CCDC102B: variants seen among roughly 807,000 people sequenced by gnomAD.
CCDC102B encodes the protein coiled-coil domain-containing protein 102B.
Under a neutral mutation model 57.4 loss-of-function variants are expected in CCDC102B, and 75 were observed. The ratio of observed to expected loss-of-function variants is 1.31; its 90% confidence interval spans 1.08 to 1.58. CCDC102B has a LOEUF of 1.58. Ranked by LOEUF, CCDC102B falls within the 40% of genes most tolerant of loss-of-function variation. The pLI, the probability that CCDC102B is intolerant of heterozygous loss-of-function variation, is 0.00. For synonymous variants in CCDC102B, 206 were observed against 201.9 expected, an observed-to-expected ratio of 1.02 and a Z score of -0.17; for missense variants, 636 against 582.6, an observed-to-expected ratio of 1.09 and a Z score of -0.94.
intron 7 of CCDC102B, among the ~76,000 whole-genome samples, chr18:69,030,662 G>C (rs562590441): frequency 2.6e-5 from 4 of 151,864 alleles, no homozygotes; most frequent in African/African-American, 9.7e-5. Flanking sequence ...GTATGTTTTT[G>C]TTTTGGTTTT....
At chr18:68,813,924 T>A (rs968148299) in intron 1 of CCDC102B, among the ~76,000 whole-genome samples, 1 of 151,950 alleles carries the variant, frequency 6.6e-6, no homozygotes, top group Non-Finnish European at 1.5e-5. Context: ...TAAATAAAAA[T>A]TTTTATAAGT....
chr18:68,826,439 G>A (rs946505640), intron 1 of CCDC102B, among the ~76,000 whole-genome samples: 1 of 152,144 alleles, frequency 6.6e-6, no homozygotes, highest in Non-Finnish European at 1.5e-5. Flanking sequence ...CAAGAGAGAA[G>A]GCAATAAAAA....
At chr18:68,928,712 C>G (rs1334703007) in intron 6 of CCDC102B, among the ~76,000 whole-genome samples, 2 of 151,828 alleles carry the variant, frequency 1.3e-5, no homozygotes, top group Non-Finnish European at 2.9e-5. Flanking sequence ...TTTCAAAAAA[C>G]TAGAAATTTA....
chr18:68,992,016 TGTTTCCAGGTACACTTAAAC>T (rs1302001123), intron 6 of CCDC102B, among the ~76,000 whole-genome samples: 1 of 152,190 alleles, frequency 6.6e-6, no homozygotes, highest in Non-Finnish European at 1.5e-5. Context: ...TTTCCTGCAA[TGTTTCCAGGTACACTTAAAC>T]GTTTATCTAG....
At chr18:68,999,604 T>TTTG (rs2051146029) in intron 6 of CCDC102B, among the ~76,000 whole-genome samples, 3 of 145,588 alleles carry the variant, frequency 2.1e-5, no homozygotes, top group Admixed American at 7.2e-5. Flanking sequence ...AGATTCTGGT[T>TTTG]TTGTTTGTTT....
At chr18:68,769,590 A>C (rs1045043174) in intron 2 of CCDC102B, among the ~76,000 whole-genome samples, 3 of 152,064 alleles carry the variant, frequency 2.0e-5, no homozygotes, top group Non-Finnish European at 4.4e-5. Context: ...TTTCAACAAG[A>C]AACCAGAGTA....
intron 2 of CCDC102B, among the ~76,000 whole-genome samples, chr18:68,778,999 G>C (rs2144630118): frequency 6.6e-6 from 1 of 152,082 alleles, no homozygotes; most frequent in African/African-American, 2.4e-5. Flanking sequence ...TTGGATAGAG[G>C]TTATTCTGAA....
chr18:68,844,700 T>C (rs2037781445), intron 3 of CCDC102B, among the ~76,000 whole-genome samples: 1 of 151,948 alleles, frequency 6.6e-6, no homozygotes, highest in African/African-American at 2.4e-5. Context: ...ACTTTCTAAA[T>C]CTAACACAAA....
At chr18:69,040,489 G>T (rs1276818255) in intron 7 of CCDC102B, among the ~76,000 whole-genome samples, 1 of 151,232 alleles carries the variant, frequency 6.6e-6, no homozygotes. Flanking sequence ...TGATCAATTT[G>T]ATGGTATTAA....
intron 1 of CCDC102B, among the ~76,000 whole-genome samples, chr18:68,798,909 C>A (rs1387424291): frequency 6.6e-6 from 1 of 151,894 alleles, no homozygotes; most frequent in Non-Finnish European, 1.5e-5. Context: ...CAAGTGAGTA[C>A]ATTTATTAAA....
At chr18:68,871,521 A>T (rs1376309686) in intron 4 of CCDC102B, among the ~76,000 whole-genome samples, 1 of 152,196 alleles carries the variant, frequency 6.6e-6, no homozygotes, top group Admixed American at 6.5e-5. Context: ...TGTTCAAAGT[A>T]ATTCTGTTTT....
At chr18:68,938,918 T>G (rs1215562539) in intron 6 of CCDC102B, among the ~76,000 whole-genome samples, 3 of 151,698 alleles carry the variant, frequency 2.0e-5, no homozygotes, top group African/African-American at 7.2e-5. Context: ...AATTAAATTT[T>G]TTTATATGTA....
chr18:68,789,379 T>C (rs192235693), intron 2 of CCDC102B, among the ~76,000 whole-genome samples: 3 of 152,138 alleles, frequency 2.0e-5, no homozygotes, highest in East Asian at 1.9e-4. Flanking sequence ...GTTGGCCTGC[T>C]TTGCTAGATT....
At chr18:69,003,796 G>C (rs1205493401) in intron 6 of CCDC102B, among the ~76,000 whole-genome samples, 1 of 152,064 alleles carries the variant, frequency 6.6e-6, no homozygotes, top group Non-Finnish European at 1.5e-5. Flanking sequence ...GATAAAATTT[G>C]TTGATTTTTT....
At chr18:68,774,893 C>T (rs2034758348) in intron 2 of CCDC102B, among the ~76,000 whole-genome samples, 1 of 151,342 alleles carries the variant, frequency 6.6e-6, no homozygotes. Context: ...ATAATCAGTA[C>T]CACTTATACT....
At chr18:68,743,174 T>A (rs901898802) in intron 2 of CCDC102B, among the ~76,000 whole-genome samples, 26 of 151,688 alleles carry the variant, frequency 1.7e-4, no homozygotes, top group African/African-American at 5.6e-4. Context: ...GAGACCAGCC[T>A]GGCCAACGTG....
intron 2 of CCDC102B, among the ~76,000 whole-genome samples, chr18:68,741,702 CACACACACACA>C (rs1568227119): frequency 2.5e-5 from 3 of 117,794 alleles, no homozygotes; most frequent in Admixed American, 8.7e-5. Context: ...CACACACACA[CACACACACACA>C]CCCCAAGACA....
At position 68,819,846 on chromosome 18, in the gene CCDC102B, T is replaced by C. The variant is rs900571777; in HGVS notation, c.-15-16903T>C. Among the ~76,000 whole-genome samples, 4 of 152,150 alleles carry C rather than the reference T, an allele frequency of 2.6e-5. No homozygotes were observed. In the South Asian group the frequency reaches 6.2e-4, roughly 24 times the overall value. On this transcript the variant is annotated intron_variant, in intron 1 of 7. Coordinates refer to ENST00000360242, the MANE Select transcript of CCDC102B (RefSeq NM_024781.3). ...CATATAATGCTAAAATAGAATTGTA[T>C]TAATTATTACAATTTGATATTTGAT...
Position 68,767,968 on chromosome 18 carries a change from A to ATAGTAGT in CCDC102B, c.-67+51375_-67+51376insAGTAGTT, listed in dbSNP as rs565497001. Among the ~76,000 whole-genome samples the ATAGTAGT allele has an allele frequency of 4.2e-3, 638 of 152,292 alleles. 8 individuals carry two copies. Among genetic ancestry groups the ATAGTAGT allele is most frequent in the African/African-American group, 0.015 (607 of 41,576 alleles). ...TATAGTTTAAGAATAAAATATAAAA[A>ATAGTAGT]TGATAGTAGTTGAAACATTTATTTT... On this transcript the variant is annotated intron_variant, in intron 2 of 3. Coordinates refer to the CCDC102B transcript ENST00000578970.
Sources: allele counts gnomAD v4.1 joint callset (sites outside exome capture counted in the v4.1 genomes callset), GRCh38; gene constraint gnomAD v4.1.1; transcripts MANE v1.5; gene names NCBI Gene and HGNC (gene_info 2026-07-23, HGNC 2026-07-21).